The following HMGCLL1 variants were observed in gnomAD, a reference collection of about 807,000 sequenced individuals.
The protein encoded by HMGCLL1 is 3-hydroxy-3-methylglutaryl-CoA lyase like 1, also known as 3-hydroxymethyl-3-methylglutaryl-CoA lyase, cytoplasmic.
Under a neutral mutation model 39.1 loss-of-function variants are expected in HMGCLL1, and 36 were observed. The observed-to-expected ratio is 0.92, with a 90% CI of 0.71 to 1.22. The LOEUF (loss-of-function observed/expected upper bound fraction) is 1.22, where lower values mean the gene tolerates loss of function less well. Among genes scored for constraint, HMGCLL1 ranks in the 50% most tolerant of loss-of-function variants. HMGCLL1 has a pLI of 0.00. For missense variants in HMGCLL1, 451 were observed against 416.5 expected (o/e 1.08, Z -0.72); for synonymous variants, 149 against 144.0 (o/e 1.03, Z -0.25).
chr6:55,629,342 AT>A, the HMGCLL1 span, among the ~76,000 whole-genome samples: 3 of 152,132 alleles, frequency 2.0e-5, no homozygotes, highest in African/African-American at 7.2e-5. Flanking sequence ...GAGAGAGATG[AT>A]TTAGTATATC....
intron 1 of HMGCLL1, among the ~76,000 whole-genome samples, chr6:55,558,205 A>T (rs1421030993): frequency 6.6e-6 from 1 of 152,216 alleles, no homozygotes; most frequent in Non-Finnish European, 1.5e-5. Flanking sequence ...ACTAAGGTTA[A>T]TTTTTCTGTC....
At chr6:55,612,204 T>TA in the HMGCLL1 span, among the ~76,000 whole-genome samples, 1 of 152,058 alleles carries the variant, frequency 6.6e-6, no homozygotes, top group Non-Finnish European at 1.5e-5. Context: ...TCATAATTGT[T>TA]ACAAAGATAA....
chr6:55,442,146 G>A (rs901155678), intron 7 of HMGCLL1, among the ~76,000 whole-genome samples: 8 of 152,164 alleles, frequency 5.3e-5, no homozygotes, highest in African/African-American at 1.9e-4. Flanking sequence ...GTCTGGCTGA[G>A]GTGGTGTCTG....
chr6:55,570,967 AC>A (rs1212354196), intron 1 of HMGCLL1, among the ~76,000 whole-genome samples: 3 of 152,052 alleles, frequency 2.0e-5, no homozygotes, highest in Non-Finnish European at 1.5e-5. Context: ...GAAAGGGGAA[AC>A]CCCTTATAAA....
chr6:55,453,138 C>T (rs4072373), intron 7 of HMGCLL1, among the ~76,000 whole-genome samples: 45,747 of 151,942 alleles, frequency 0.3, 7,242 homozygotes, highest in African/African-American at 0.42. Flanking sequence ...ACATGCCAAG[C>T]ATGTACTAAG....
chr6:55,592,021 A>T, the HMGCLL1 span, among the ~76,000 whole-genome samples: 4 of 151,960 alleles, frequency 2.6e-5, no homozygotes, highest in Non-Finnish European at 5.9e-5. Flanking sequence ...AATTTTTATA[A>T]CTTTCAAATT....
the HMGCLL1 span, among the ~76,000 whole-genome samples, chr6:55,609,055 C>A: frequency 2.0e-5 from 3 of 152,234 alleles, no homozygotes; most frequent in Non-Finnish European, 4.4e-5. Flanking sequence ...AACTGTGCAA[C>A]CCACGGATCG....
In HMGCLL1 at chr6:55,547,947, G is replaced by A. The variant is rs78769124; in HGVS notation, c.109-5807C>T. Among the ~76,000 whole-genome samples, 833 of 151,938 alleles carry A rather than the reference G, an allele frequency of 5.5e-3. 10 individuals carry two copies. Among genetic ancestry groups the A allele is most frequent in the South Asian group, 0.033 (159 of 4,804 alleles). On this transcript the variant is annotated intron_variant, in intron 1 of 8. Coordinates refer to ENST00000274901, the MANE Select transcript of HMGCLL1 (RefSeq NM_001042406.2). ...CAATCAAAAGACATTTCTCTTCCTG[G>A]GTATCTCTCTAGAATGGAAAGGTGA... is the stretch of plus-strand genomic sequence containing the variant.
At chr6:55,495,683 C>A in intron 6 of HMGCLL1, 76 bp from the exon 7 acceptor site, 1 of 1,048,018 alleles carries the variant, frequency 9.5e-7, no homozygotes, top group Admixed American at 2.8e-5. Context: ...CAACTAACAT[C>A]ATCTAAAGGT....
intron 6 of HMGCLL1, among the ~76,000 whole-genome samples, chr6:55,498,887 A>G (rs1023482334): frequency 6.6e-6 from 1 of 152,148 alleles, no homozygotes; most frequent in Non-Finnish European, 1.5e-5. Flanking sequence ...AACCAAGGAA[A>G]GTTTAAGTGT....
At chr6:55,660,177 T>C in the HMGCLL1 span, among the ~76,000 whole-genome samples, 3 of 151,862 alleles carry the variant, frequency 2.0e-5, no homozygotes, top group Non-Finnish European at 4.4e-5. Context: ...ACTCTGTCTA[T>C]GGTTTCAGAA....
At chr6:55,511,366 T>G (rs1232569317) in intron 5 of HMGCLL1, among the ~76,000 whole-genome samples, 1 of 152,030 alleles carries the variant, frequency 6.6e-6, no homozygotes, top group African/African-American at 2.4e-5. Flanking sequence ...GTTCTGAGCG[T>G]GTGTTAAAAA....
At chr6:55,463,096 T>C (rs947849871) in intron 7 of HMGCLL1, among the ~76,000 whole-genome samples, 1 of 150,580 alleles carries the variant, frequency 6.6e-6, no homozygotes, top group Non-Finnish European at 1.5e-5. Context: ...AGTAGCGCAA[T>C]CTCGGCTCAC....
intron 7 of HMGCLL1, among the ~76,000 whole-genome samples, chr6:55,469,065 A>C (rs1764915026): frequency 6.6e-6 from 1 of 151,742 alleles, no homozygotes; most frequent in Non-Finnish European, 1.5e-5. Context: ...CTGAGTTTAA[A>C]CCCAGAGCTT....
chr6:55,529,311 G>C (rs553932889), intron 3 of HMGCLL1, among the ~76,000 whole-genome samples: 1 of 152,198 alleles, frequency 6.6e-6, no homozygotes, highest in East Asian at 1.9e-4. Context: ...GAAAGCAGAA[G>C]TGATTTTTGA....
chr6:55,558,848 T>C (rs1770800129), intron 1 of HMGCLL1, among the ~76,000 whole-genome samples: 1 of 152,226 alleles, frequency 6.6e-6, no homozygotes, highest in East Asian at 1.9e-4. Flanking sequence ...GATTCCACCA[T>C]GACCAGAAGT....
At chr6:55,457,701 CTG>C (rs1764384456) in intron 7 of HMGCLL1, among the ~76,000 whole-genome samples, 1 of 151,670 alleles carries the variant, frequency 6.6e-6, no homozygotes, top group Non-Finnish European at 1.5e-5. Flanking sequence ...TTTTTCTTCT[CTG>C]TGTGTTGGCT....
At chr6:55,631,712 G>A in the HMGCLL1 span, among the ~76,000 whole-genome samples, 10 of 151,936 alleles carry the variant, frequency 6.6e-5, no homozygotes, top group South Asian at 2.1e-4. Flanking sequence ...TCTCTGTACC[G>A]TTACTGGGCA....
At chr6:55,565,028 G>T (rs1771146446) in intron 1 of HMGCLL1, among the ~76,000 whole-genome samples, 1 of 151,956 alleles carries the variant, frequency 6.6e-6, no homozygotes, top group African/African-American at 2.4e-5. Context: ...TCCTTAAAGT[G>T]ATAGCTTAAT....
Sources: allele counts gnomAD v4.1 joint callset (sites outside exome capture counted in the v4.1 genomes callset), GRCh38; gene constraint gnomAD v4.1.1; transcripts MANE v1.5; gene names NCBI Gene and HGNC (gene_info 2026-07-23, HGNC 2026-07-21).